The following MAP2K6 variants were observed in gnomAD, a reference collection of about 807,000 sequenced individuals.
The protein encoded by MAP2K6 is mitogen-activated protein kinase kinase 6.
A neutral mutation model predicts 53.7 loss-of-function variants in MAP2K6; 16 were observed. The ratio of observed to expected loss-of-function variants is 0.30; its 90% confidence interval spans 0.20 to 0.45. The LOEUF is 0.45. Ranked by LOEUF, MAP2K6 falls within the 20% of genes least tolerant of loss-of-function variation. MAP2K6 has a pLI of 1.00. For synonymous variants in MAP2K6, 132 were observed against 143.1 expected, an observed-to-expected ratio of 0.92 and a Z score of 0.55; for missense variants, 204 against 411.9, an observed-to-expected ratio of 0.50 and a Z score of 4.37.
chr17:69,426,220 C>T (rs1906272479), intron 1 of MAP2K6, among the ~76,000 whole-genome samples: 2 of 152,294 alleles, frequency 1.3e-5, no homozygotes, highest in Non-Finnish European at 2.9e-5. Flanking sequence ...AGACATCATG[C>T]TGGGTAGAAA....
At chr17:69,452,030 C>T (rs991736200) in intron 1 of MAP2K6, among the ~76,000 whole-genome samples, 3 of 151,940 alleles carry the variant, frequency 2.0e-5, no homozygotes, top group African/African-American at 4.8e-5. Flanking sequence ...AAAGTAGCAG[C>T]GGTGGGGATG....
chr17:69,494,518 A>C lies in MAP2K6; in HGVS notation c.17-11262A>C, dbSNP rs976691030. 1.3e-5 allele frequency among the ~76,000 whole-genome samples: 2 copies of C among 151,990 alleles called. No individual in the cohort carries two copies. The highest frequency in any genetic ancestry group is 4.8e-5 in the African/African-American group (2 of 41,398). ...GTCTTTAAAAAAAAAAAGAAAGGAA[A>C]AAACAAAATGAATGGAGAGCCCCTG... On this transcript the variant is annotated intron_variant, in intron 1 of 11. Transcript: ENST00000590474. The surrounding 1 kb of genome is among the most constrained non-coding windows in gnomAD (Gnocchi z 4.2).
intron 1 of MAP2K6, among the ~76,000 whole-genome samples, chr17:69,498,224 A>G (rs1365547675): frequency 6.6e-6 from 1 of 152,118 alleles, no homozygotes; most frequent in Non-Finnish European, 1.5e-5. Context: ...GTTGTGGGGG[A>G]TGTGACAAGA....
chr17:69,497,790 A>G (rs1909004089), intron 1 of MAP2K6, among the ~76,000 whole-genome samples: 1 of 152,130 alleles, frequency 6.6e-6, no homozygotes. Flanking sequence ...TTGTCTCTCC[A>G]AGTCTTGATT....
At chr17:69,459,830 C>T (rs1907554873) in intron 1 of MAP2K6, among the ~76,000 whole-genome samples, 1 of 151,626 alleles carries the variant, frequency 6.6e-6, no homozygotes, top group African/African-American at 2.4e-5. Context: ...TCCTTCCCTC[C>T]CTTCCTCTTT....
rs1242687805 is a variant in MAP2K6 at position 69,526,443 on chromosome 17, C to G, written c.742-127C>G. 1.7e-5 allele frequency: 16 copies of G among 947,728 alleles called. No homozygotes were observed. The South Asian group carries it at 1.9e-4, about 11-fold the overall frequency. The allele number at this position is 947,728 out of a possible 1,614,324, so 58.7% of individuals were successfully genotyped here. ...AAATTATTAGTTTATTTCCTGCCCC[C>G]CTACCCCTGGACTTATACTTGAACT... On this transcript the variant is annotated intron_variant, in intron 9 of 11. Transcript: ENST00000590474.
chr17:69,525,805 T>G lies in MAP2K6; in HGVS notation c.742-765T>G, dbSNP rs552382580. On this transcript the variant is annotated intron_variant, in intron 9 of 11. Coordinates refer to ENST00000590474, the MANE Select transcript of MAP2K6 (RefSeq NM_002758.4). The stretch of plus-strand genomic sequence containing the variant: ...GCTACAATTCAAGATGAGATTTGGG[T>G]GGGGACACAGCCCAACCGTATCAGT... Among the ~76,000 whole-genome samples, 5 of 152,310 alleles carry G rather than the reference T, an allele frequency of 3.3e-5. No homozygotes were observed. The South Asian group carries it at 1.0e-3, about 32-fold the overall frequency.
chr17:69,438,589 TA>T (rs1906722339), intron 1 of MAP2K6, among the ~76,000 whole-genome samples: 1 of 152,136 alleles, frequency 6.6e-6, no homozygotes, highest in African/African-American at 2.4e-5. Context: ...TTGATACTTT[TA>T]TTTTTTTTCT....
intron 11 of MAP2K6, among the ~76,000 whole-genome samples, chr17:69,540,143 G>A (rs1157026410): frequency 6.6e-6 from 1 of 152,096 alleles, no homozygotes; most frequent in African/African-American, 2.4e-5. Flanking sequence ...CCATGAGCAG[G>A]AACTCAGTTT....
intron 1 of MAP2K6, among the ~76,000 whole-genome samples, chr17:69,463,121 A>T (rs1391364927): frequency 6.6e-6 from 1 of 151,812 alleles, no homozygotes; most frequent in Non-Finnish European, 1.5e-5. Flanking sequence ...CCTCCATGAG[A>T]CACAGTGTTA....
At chr17:69,491,712 G>A (rs1293908901) in intron 1 of MAP2K6, among the ~76,000 whole-genome samples, 5 of 137,706 alleles carry the variant, frequency 3.6e-5, no homozygotes, top group African/African-American at 1.2e-4. Flanking sequence ...CTTTTTCTCT[G>A]CAACCTCGCT....
chr17:69,448,224 T>C (rs1907040651), intron 1 of MAP2K6, among the ~76,000 whole-genome samples: 1 of 149,782 alleles, frequency 6.7e-6, no homozygotes, highest in African/African-American at 2.5e-5. Context: ...AGGGAAATAT[T>C]GTAATATGGT....
At chr17:69,525,812 A>T (rs937912610) in intron 9 of MAP2K6, among the ~76,000 whole-genome samples, 1 of 152,234 alleles carries the variant, frequency 6.6e-6, no homozygotes, top group Non-Finnish European at 1.5e-5. Flanking sequence ...GGGTGGGGAC[A>T]CAGCCCAACC....
intron 10 of MAP2K6, among the ~76,000 whole-genome samples, chr17:69,528,502 T>A (rs191006183): frequency 2.2e-3 from 337 of 152,112 alleles, no homozygotes; most frequent in Admixed American, 4.4e-3. Context: ...TTGTGGATGG[T>A]TGGTTGGTTG....
intron 1 of MAP2K6, among the ~76,000 whole-genome samples, chr17:69,489,255 TA>T (rs1908658213): frequency 7.4e-6 from 1 of 135,204 alleles, no homozygotes; most frequent in Non-Finnish European, 1.6e-5. Context: ...AAAGGAAAAA[TA>T]AAATAAGTTT....
At chr17:69,501,366 A>G (rs1909166195) in intron 1 of MAP2K6, among the ~76,000 whole-genome samples, 1 of 152,176 alleles carries the variant, frequency 6.6e-6, no homozygotes, top group East Asian at 1.9e-4. Flanking sequence ...GTAATGAGGA[A>G]CATCAGAGGA....
intron 1 of MAP2K6, among the ~76,000 whole-genome samples, chr17:69,426,889 C>G (rs1190927371): frequency 6.6e-6 from 1 of 151,678 alleles, no homozygotes; most frequent in Non-Finnish European, 1.5e-5. Flanking sequence ...TTTTTCTTAC[C>G]AAGATTAATA....
intron 1 of MAP2K6, among the ~76,000 whole-genome samples, chr17:69,468,319 C>T (rs149313166): frequency 6.6e-6 from 1 of 152,214 alleles, no homozygotes; most frequent in African/African-American, 2.4e-5. Flanking sequence ...ACTCCAGTTT[C>T]ATCCTCTATT....
At chr17:69,528,216 CTT>C (rs1287687562) in intron 10 of MAP2K6, among the ~76,000 whole-genome samples, 1 of 151,536 alleles carries the variant, frequency 6.6e-6, no homozygotes, top group Non-Finnish European at 1.5e-5. Context: ...CTCTTCGACT[CTT>C]TGTTAGCCCT....
Sources: gnomAD v4.1 joint callset for allele counts (sites outside exome capture counted in the v4.1 genomes callset) on GRCh38, gnomAD v4.1.1 for gene constraint, Gnocchi (gnomAD v3.1) non-coding constraint, MANE v1.5 for transcripts, NCBI Gene and HGNC (gene_info 2026-07-23, HGNC 2026-07-21) for gene names.